Variants in EML6 observed in about 807,000 individuals in gnomAD.
EML6 encodes EMAP like 6.
Under a neutral mutation model 240.1 loss-of-function variants are expected in EML6, and 154 were observed. The ratio of observed to expected loss-of-function variants is 0.64; its 90% CI spans 0.56 to 0.73. The LOEUF is 0.73. EML6 is among the 30% of genes least tolerant of loss of function. The probability of loss-of-function intolerance (pLI) is 0.00; values close to 1 mark genes in which losing one functional copy is unlikely to be tolerated. For synonymous variants in EML6, 1,148 were observed against 899.0 expected (o/e 1.28, Z -4.95); for missense variants, 2,964 against 2,474.6 (o/e 1.20, Z -4.20).
At chr2:54,778,394 G>A (rs1181266305) in intron 2 of EML6, among the ~76,000 whole-genome samples, 1 of 152,132 alleles carries the variant, frequency 6.6e-6, no homozygotes, top group Non-Finnish European at 1.5e-5. Context: ...TTCTGTCTGG[G>A]ATGAGGAGAA....
intron 26 of EML6, among the ~76,000 whole-genome samples, chr2:54,917,148 G>A (rs558099566): frequency 6.6e-6 from 1 of 152,120 alleles, no homozygotes; most frequent in Non-Finnish European, 1.5e-5. Flanking sequence ...AAGGCCTTCA[G>A]TGGTCACCAA....
At position 54,970,994 on chromosome 2, in the gene EML6, G is replaced by A. The variant is rs974191239; in HGVS notation, c.*899G>A. The A allele has an allele frequency of 6.6e-6, 1 of 152,154 alleles. No homozygotes were observed. Among genetic ancestry groups the A allele is most frequent in the African/African-American group, 2.4e-5 (1 of 41,414 alleles). The allele number at this position is 152,154 out of a possible 1,614,324, so 9.4% of individuals were successfully genotyped here. ...GTTAAACAAACTTCTACTACAAAAT[G>A]GAAGGGGAAAAAGGCTCAGGAAGGT... On this transcript the variant is annotated 3_prime_UTR_variant, in exon 42 of 42. Coordinates refer to ENST00000356458, the MANE Select transcript of EML6 (RefSeq NM_001039753.4).
At chr2:54,962,783 G>A in intron 36 of EML6, 72 bp downstream of exon 36, 4 of 1,285,808 alleles carry the variant, frequency 3.1e-6, no homozygotes, top group Non-Finnish European at 3.1e-6. Context: ...AGCGAGGAGA[G>A]GCCCAGCCAG....
chr2:54,926,640 A>G (rs764179129), intron 26 of EML6, among the ~76,000 whole-genome samples: 24 of 152,150 alleles, frequency 1.6e-4, no homozygotes, highest in Non-Finnish European at 2.6e-4. Context: ...GTTTCGCAGA[A>G]CCTTCTAGCA....
At chr2:54,830,156 C>T (rs1430229373) in intron 7 of EML6, among the ~76,000 whole-genome samples, 1 of 152,190 alleles carries the variant, frequency 6.6e-6, no homozygotes, top group Admixed American at 6.5e-5. Flanking sequence ...GAATACAATA[C>T]ATCTTTTAAA....
intron 34 of EML6, 34 bp downstream of exon 34, chr2:54,959,295 TTTG>T (rs762073302): frequency 2.0e-6 from 3 of 1,484,536 alleles, no homozygotes; most frequent in South Asian, 2.7e-5. Flanking sequence ...CAACTTGTCG[TTTG>T]TTGTTATCTT....
intron 7 of EML6, among the ~76,000 whole-genome samples, chr2:54,837,307 C>G (rs369312542): frequency 2.0e-5 from 3 of 152,082 alleles, no homozygotes; most frequent in African/African-American, 7.2e-5. Flanking sequence ...TTTTTTTCCC[C>G]CTATTGCTAG....
At chr2:54,942,294 C>G (rs775515604) in intron 28 of EML6, among the ~76,000 whole-genome samples, 1 of 152,200 alleles carries the variant, frequency 6.6e-6, no homozygotes, top group Non-Finnish European at 1.5e-5. Flanking sequence ...ATCATCAAAT[C>G]AAACCTACTC....
intron 35 of EML6, 48 bp from the exon 36 acceptor site, chr2:54,962,475 A>AC: frequency 7.2e-7 from 1 of 1,380,568 alleles, no homozygotes; most frequent in Non-Finnish European, 9.8e-7. Context: ...ATATGAGTGC[A>AC]GTCATACAGT....
At chr2:54,915,540 G>C (rs1174044315) in intron 25 of EML6, among the ~76,000 whole-genome samples, 1 of 152,096 alleles carries the variant, frequency 6.6e-6, no homozygotes, top group Admixed American at 6.5e-5. Context: ...CTTGGTCTGT[G>C]TTCCTACCCA....
chr2:54,776,617 G>T (rs1331432221), intron 2 of EML6, among the ~76,000 whole-genome samples: 4 of 151,812 alleles, frequency 2.6e-5, no homozygotes, highest in Non-Finnish European at 5.9e-5. Context: ...CTTTGATGAG[G>T]GGATCATTAG....
intron 2 of EML6, among the ~76,000 whole-genome samples, chr2:54,764,653 T>C (rs1449873420): frequency 3.3e-5 from 5 of 152,206 alleles, no homozygotes; most frequent in Non-Finnish European, 5.9e-5. Flanking sequence ...AATACAAGAA[T>C]AGGTTAAAGG....
At chr2:54,911,142 T>C (rs1673618343) in intron 25 of EML6, 100 bp downstream of exon 25, 1 of 588,958 alleles carries the variant, frequency 1.7e-6, no homozygotes, top group Admixed American at 2.9e-5. Context: ...TGGGTTATAT[T>C]TACTATACCT....
At chr2:54,889,227 C>T (rs1168225129) in intron 17 of EML6, among the ~76,000 whole-genome samples, 2 of 152,084 alleles carry the variant, frequency 1.3e-5, no homozygotes, top group African/African-American at 4.8e-5. Context: ...CCTAGGAGAG[C>T]TACTCTCTGC....
At chr2:54,889,328 A>G (rs1444623567) in intron 17 of EML6, among the ~76,000 whole-genome samples, 4 of 151,926 alleles carry the variant, frequency 2.6e-5, no homozygotes, top group African/African-American at 9.7e-5. Flanking sequence ...ACTCCAGATT[A>G]AACACACACA....
Position 54,773,814 on chromosome 2 carries a change from A to C in EML6, c.198-39418A>C, listed in dbSNP as rs112322627. On this transcript the variant is annotated intron_variant, in intron 2 of 41. Transcript: ENST00000356458. ...AATTATGAAATTAGCGCTTCTCCTA[A>C]GGAAAAGTATCACAGAATTTTCTCC... Among the ~76,000 whole-genome samples, 586 of 152,330 alleles carry C rather than the reference A, an allele frequency of 3.8e-3. 4 individuals are homozygous for C. Among genetic ancestry groups the C allele is most frequent in the Middle Eastern group, 0.014 (4 of 294 alleles).
At chr2:54,827,454 GC>G in intron 5 of EML6, 111 bp from the exon 6 acceptor site, 1 of 841,880 alleles carries the variant, frequency 1.2e-6, no homozygotes, top group East Asian at 2.7e-5. Context: ...ACTTATTTGT[GC>G]CTAGCTTGGA....
chr2:54,957,320 C>T (rs181759553), intron 32 of EML6, among the ~76,000 whole-genome samples: 19 of 125,132 alleles, frequency 1.5e-4, no homozygotes, highest in Admixed American at 9.6e-4. Context: ...AAAAGGAAAA[C>T]GGGGAACTTA....
chr2:54,933,156 C>T (rs1674949113), intron 28 of EML6, among the ~76,000 whole-genome samples: 1 of 152,122 alleles, frequency 6.6e-6, no homozygotes, highest in African/African-American at 2.4e-5. Flanking sequence ...AAAGAACTGC[C>T]TCTGATTCAC....
Sources: allele counts gnomAD v4.1 joint callset (sites outside exome capture counted in the v4.1 genomes callset), GRCh38; gene constraint gnomAD v4.1.1; transcripts MANE v1.5; gene names NCBI Gene and HGNC (gene_info 2026-07-23, HGNC 2026-07-21).